The following PCDHGA7 variants were observed in gnomAD, a reference collection of about 807,000 sequenced individuals.
PCDHGA7 encodes the protein protocadherin gamma-A7.
PCDHGA7 carries 44 observed loss-of-function variants against 58.3 expected under a neutral mutation model. The observed-to-expected ratio is 0.75, with a 90% CI of 0.59 to 0.97. The LOEUF is 0.97. Among genes scored for constraint, PCDHGA7 ranks in the 50% least tolerant of loss-of-function variants. The pLI is 0.00. For missense variants in PCDHGA7, 1,266 were observed against 1,188.7 expected, an observed-to-expected ratio of 1.06 and a Z score of -0.96; for synonymous variants, 516 against 504.2, an observed-to-expected ratio of 1.02 and a Z score of -0.31.
chr5:141,399,955 C>G, intron 1 of PCDHGA7: 1 of 1,612,146 alleles, frequency 6.2e-7, no homozygotes. Flanking sequence ...GGCTAGCGAG[C>G]CCGGGCTCTT....
intron 1 of PCDHGA7, chr5:141,408,518 T>G: frequency 6.2e-7 from 1 of 1,614,012 alleles, no homozygotes; most frequent in Non-Finnish European, 8.5e-7. Flanking sequence ...TGAGTTGCAA[T>G]TGGAAGCTGT....
At chr5:141,510,028 C>A (rs962629835) in intron 3 of PCDHGA7, among the ~76,000 whole-genome samples, 1 of 152,164 alleles carries the variant, frequency 6.6e-6, no homozygotes, top group Non-Finnish European at 1.5e-5. Context: ...GCTGGCTGGG[C>A]TGTTATGTAG....
chr5:141,432,482 G>T lies in PCDHGA7; in HGVS notation c.2424+47159G>T, dbSNP rs768206517. 2.5e-6 allele frequency: 4 copies of T among 1,614,060 alleles called. No individual in the cohort carries two copies. Among genetic ancestry groups the T allele is most frequent in the Non-Finnish European group, 3.4e-6 (4 of 1,180,052 alleles). ...CCTCCCCACGGACGGTTCCACTGGC[G>T]TGGAGCTGGCTCCCCGCTCCGCAGA... On this transcript the variant is annotated intron_variant, in intron 1 of 3. Transcript: ENST00000518325. The surrounding 1 kb of genome is among the most constrained non-coding windows in gnomAD (Gnocchi z 6.0).
chr5:141,392,628 A>C (rs2092566593), intron 1 of PCDHGA7: 2 of 588,334 alleles, frequency 3.4e-6, no homozygotes, highest in South Asian at 5.4e-5. Flanking sequence ...AAACACTCAG[A>C]TCTCACACCT....
At chr5:141,393,211 T>G (rs1310978287) in intron 1 of PCDHGA7, 3 of 1,613,502 alleles carry the variant, frequency 1.9e-6, no homozygotes, top group Non-Finnish European at 1.7e-6. Flanking sequence ...AACCCAAAAT[T>G]CCAGGTCGAA....
chr5:141,433,837 C>CAAAAAA (rs56191208), intron 1 of PCDHGA7, among the ~76,000 whole-genome samples: 2 of 111,692 alleles, frequency 1.8e-5, no homozygotes, highest in Non-Finnish European at 3.9e-5. Context: ...AACTCTATCT[C>CAAAAAA]AAAAAAAAAA....
chr5:141,391,264 G>T (rs1427432631), intron 1 of PCDHGA7: 1 of 151,768 alleles, frequency 6.6e-6, no homozygotes, highest in Non-Finnish European at 1.5e-5. Context: ...TCAGTTAATG[G>T]CCACTTTACA....
chr5:141,435,807 T>A (rs2097781241), intron 1 of PCDHGA7, among the ~76,000 whole-genome samples: 1 of 152,040 alleles, frequency 6.6e-6, no homozygotes, highest in South Asian at 2.1e-4. Context: ...CCCAATTATT[T>A]TTTCTTTCTT....
intron 1 of PCDHGA7, among the ~76,000 whole-genome samples, chr5:141,456,818 G>A (rs1214373156): frequency 1.3e-5 from 2 of 151,890 alleles, no homozygotes; most frequent in Admixed American, 6.6e-5. Context: ...CAAAAAATTA[G>A]CCATCGTGGT....
In PCDHGA7 at chr5:141,494,748, C is replaced by T. The variant is rs566281527; in HGVS notation, c.2425-59C>T. On this transcript the variant is annotated intron_variant, in intron 1 of 3. Coordinates refer to ENST00000518325, the MANE Select transcript of PCDHGA7 (RefSeq NM_018920.4). ...CTCTCCCGGCCCATCCCTAGGGGCTCGGGTGACATTCTAACTTCTCACGGG... is the reference window on the plus strand; with the variant it reads ...CTCTCCCGGCCCATCCCTAGGGGCTTGGGTGACATTCTAACTTCTCACGGG... 1.4e-5 allele frequency: 22 copies of T among 1,613,104 alleles called. No individual in the cohort carries two copies. The East Asian group carries it at 4.2e-4, about 31-fold the overall frequency.
Position 141,511,229 on chromosome 5 carries a change from T to G in PCDHGA7, c.*56T>G. 6.3e-7 allele frequency: 1 copy of G among 1,598,500 alleles called. No homozygotes were observed. Among genetic ancestry groups the G allele is most frequent in the Non-Finnish European group, 8.5e-7 (1 of 1,172,476 alleles). On this transcript the variant is annotated 3_prime_UTR_variant, in exon 4 of 4. Transcript: ENST00000518325. ...GCCTCTCCCCAACCAGCCCAGCTTC[T>G]CCTTACCTGCACCCAGGCCTCAGAG...
rs1391608601 is a variant in PCDHGA7 at position 141,511,893 on chromosome 5, A to G, written c.*720A>G. The G allele has an allele frequency of 6.4e-6, 1 of 155,062 alleles. No homozygotes were observed. Among genetic ancestry groups the G allele is most frequent in the East Asian group, 1.9e-4 (1 of 5,240 alleles). 9.6% of individuals were successfully genotyped at this position (155,062 alleles called of 1,614,324 possible). A position where few individuals can be genotyped will look rare whatever the true frequency, so the allele number is the denominator to read the frequency against. On this transcript the variant is annotated 3_prime_UTR_variant, in exon 4 of 4. Transcript: ENST00000518325. ...TCCACTGCATGCCTTGACTTCCCCC[A>G]CCTCCTCCTCAAACAAGAGACTCCA...
rs752341952 is a variant in PCDHGA7 at position 141,431,380 on chromosome 5, T to C, written c.2424+46057T>C. 10 of 1,613,902 alleles carry C rather than the reference T, an allele frequency of 6.2e-6. No homozygotes were observed. The highest frequency in any genetic ancestry group is 8.5e-6 in the Non-Finnish European group (10 of 1,180,024). ...CCCTGGACCGCGAAGAAAAGGCTGCTCACCACCTGGTCCTTACGGCCTCCG... is the reference window on the plus strand; with the variant it reads ...CCCTGGACCGCGAAGAAAAGGCTGCCCACCACCTGGTCCTTACGGCCTCCG... On this transcript the variant is annotated intron_variant, in intron 1 of 3. Transcript: ENST00000518325. The surrounding 1 kb of genome is among the most constrained non-coding windows in gnomAD (Gnocchi z 4.8).
rs1426255577 is a variant in PCDHGA7, at chr5:141,512,797, TG to T, written c.*1625del. 6.6e-6 allele frequency: 1 copy of T among 152,300 alleles called. No homozygotes were observed. Among genetic ancestry groups the T allele is most frequent in the African/African-American group, 2.4e-5 (1 of 41,444 alleles). The allele number at this position is 152,300 out of a possible 1,614,324, so 9.4% of individuals were successfully genotyped here. On this transcript the variant is annotated 3_prime_UTR_variant, in exon 4 of 4. Transcript: ENST00000518325. ...GCGGCCCGTGTTGTGTTTTGTGCTGTGTCCACGCGCTAAGGCGACCCCCTCC... is the reference window on the plus strand; with the variant it reads ...GCGGCCCGTGTTGTGTTTTGTGCTGTTCCACGCGCTAAGGCGACCCCCTCC...
chr5:141,491,908 G>A lies in PCDHGA7; in HGVS notation c.2425-2899G>A. ...GGGGCTCCGAGCACCGGGGGTGGTG[G>A]CGACTGTGGGCGAGGGGAGGTGGGA... On this transcript the variant is annotated intron_variant, in intron 1 of 3. Transcript: ENST00000518325. The surrounding 1 kb of genome is among the most constrained non-coding windows in gnomAD (Gnocchi z 6.9). The A allele has an allele frequency of 7.1e-7, 1 of 1,408,288 alleles. No individual in the cohort carries two copies. Among genetic ancestry groups the A allele is most frequent in the East Asian group, 2.5e-5 (1 of 39,276 alleles). The allele number at this position is 1,408,288 out of a possible 1,614,324, so 87.2% of individuals were successfully genotyped here. A position where few individuals can be genotyped will look rare whatever the true frequency, so the allele number is the denominator to read the frequency against.
At chr5:141,399,579 C>CT (rs1419885738) in intron 1 of PCDHGA7, 1 of 1,614,026 alleles carries the variant, frequency 6.2e-7, no homozygotes, top group African/African-American at 1.3e-5. Context: ...GCCAAGTCTC[C>CT]TACTCTATCA....
intron 1 of PCDHGA7, chr5:141,423,398 G>C (rs767594062): frequency 6.8e-6 from 11 of 1,614,172 alleles, no homozygotes; most frequent in Non-Finnish European, 9.3e-6. Context: ...CATAAGTCAC[G>C]CCTGCTGCAG....
chr5:141,497,614 A>G (rs1377740795), intron 2 of PCDHGA7, among the ~76,000 whole-genome samples: 1 of 146,530 alleles, frequency 6.8e-6, no homozygotes, highest in Admixed American at 7.0e-5. Context: ...ATCTTGGCTC[A>G]CTGCAACCTC....
chr5:141,410,435 G>A (rs772158163), intron 1 of PCDHGA7: 1 of 1,614,054 alleles, frequency 6.2e-7, no homozygotes, highest in Non-Finnish European at 8.5e-7. Context: ...CAACTACAGT[G>A]AGGGGACTTT....
Sources: gnomAD v4.1 joint callset for allele counts (sites outside exome capture counted in the v4.1 genomes callset) on GRCh38, gnomAD v4.1.1 for gene constraint, Gnocchi (gnomAD v3.1) non-coding constraint, MANE v1.5 for transcripts, NCBI Gene and HGNC (gene_info 2026-07-23, HGNC 2026-07-21) for gene names.